Variants in DRAM2 observed in about 807,000 individuals in gnomAD.
The protein encoded by DRAM2 is DNA damage-regulated autophagy modulator protein 2.
A neutral mutation model predicts 33.5 loss-of-function variants in DRAM2; 26 were observed. The ratio of observed to expected loss-of-function variants is 0.78; its 90% CI spans 0.57 to 1.08. The LOEUF (loss-of-function observed/expected upper bound fraction) is 1.08. DRAM2 is among the 50% of genes least tolerant of loss of function. DRAM2 has a pLI of 0.00. For synonymous variants in DRAM2, 98 were observed against 109.5 expected (o/e 0.89, Z 0.66); for missense variants, 311 against 318.1 (o/e 0.98, Z 0.17).
intron 6 of DRAM2, among the ~76,000 whole-genome samples, chr1:111,121,896 T>TA (rs1650121737): frequency 6.6e-6 from 1 of 151,966 alleles, no homozygotes. Context: ...AACTAAAAAA[T>TA]AAAAATAATA....
At position 111,124,845 on chromosome 1, in the gene DRAM2, T is replaced by C. The variant is rs1202640098; in HGVS notation, c.236A>G (p.His79Arg). 10 of 1,613,156 alleles carry C rather than the reference T, an allele frequency of 6.2e-6. No homozygotes were observed. The highest frequency in any genetic ancestry group is 8.5e-6 in the Non-Finnish European group (10 of 1,179,626). The change falls in exon 6 of 10, where the codon CAT becomes CGT. Residue 79 changes from histidine to arginine, a missense_variant. By Grantham distance (29) the His-to-Arg change is conservative (BLOSUM62 0). Transcript: ENST00000484310. ...AACGTTCTCTTCAGGACTCAGAGCA[T>C]GAACTTGCTTATAACGAACATAAAT... Reference protein sequence around the residue: ...ATIYVRYKQVHALSPEENVII... With the variant: ...ATIYVRYKQVRALSPEENVII...
In DRAM2 at chr1:111,117,792, G is replaced by A. The variant is rs1649209891; in HGVS notation, c.*368C>T. 1 of 193,602 alleles carries A rather than the reference G, an allele frequency of 5.2e-6. No homozygotes were observed. Among genetic ancestry groups the A allele is most frequent in the Non-Finnish European group, 1.1e-5 (1 of 93,140 alleles). 12.0% of individuals were successfully genotyped at this position (193,602 alleles called of 1,614,324 possible). On this transcript the variant is annotated 3_prime_UTR_variant, in exon 10 of 10. Coordinates refer to ENST00000484310, the MANE Select transcript of DRAM2 (RefSeq NM_001349884.2). ...CATGGAAAATGTCTCTCATAAAAGT[G>A]CTCCTAACAAAACATGATCTACAAT... is the stretch of plus-strand genomic sequence containing the variant.
chr1:111,124,575 G>A (rs907749703), intron 6 of DRAM2, among the ~76,000 whole-genome samples, 167 bp downstream of exon 6: 2 of 152,072 alleles, frequency 1.3e-5, no homozygotes, highest in Non-Finnish European at 2.9e-5. Flanking sequence ...TTTTCTAGTT[G>A]TGCAAGTAGC....
intron 6 of DRAM2, chr1:111,122,491 G>A (rs1650241765): frequency 6.6e-6 from 1 of 152,180 alleles, no homozygotes; most frequent in Admixed American, 6.5e-5. Context: ...TCTCTTCCAA[G>A]CCAATACCTG....
intron 3 of DRAM2, among the ~76,000 whole-genome samples, chr1:111,134,200 CTTTTAATTT>C (rs1255002927): frequency 5.9e-5 from 9 of 152,014 alleles, no homozygotes; most frequent in African/African-American, 2.2e-4. Flanking sequence ...CAAATTCATG[CTTTTAATTT>C]TTTTAATTTT....
intron 7 of DRAM2, 145 bp from the exon 8 acceptor site, chr1:111,120,104 C>A: frequency 1.4e-6 from 1 of 692,926 alleles, no homozygotes; most frequent in Non-Finnish European, 2.4e-6. Flanking sequence ...AGCAGTGGTA[C>A]TGTAAAACTA....
intron 8 of DRAM2, 43 bp from the exon 9 acceptor site, chr1:111,118,940 T>A: frequency 7.3e-7 from 1 of 1,376,436 alleles, no homozygotes; most frequent in Non-Finnish European, 1.0e-6. Context: ...AAATTTCATT[T>A]AAACGATCTA....
rs753997842 is a variant in DRAM2 at position 111,117,376 on chromosome 1, C to T, written c.*784G>A. ...AATCATATCTGCTGTTATTCCCAAA[C>T]TTCTCAATGTTACATGAATACTAAC... On this transcript the variant is annotated 3_prime_UTR_variant, in exon 10 of 10. Coordinates refer to ENST00000484310, the MANE Select transcript of DRAM2 (RefSeq NM_001349884.2). The T allele has an allele frequency of 2.6e-5, 4 of 152,048 alleles. No individual in the cohort carries two copies. The highest frequency in any genetic ancestry group is 9.7e-5 in the African/African-American group (4 of 41,438). 9.4% of individuals were successfully genotyped at this position (152,048 alleles called of 1,614,324 possible). A position where few individuals can be genotyped will look rare whatever the true frequency, so the allele number is the denominator to read the frequency against.
intron 5 of DRAM2, 80 bp from the exon 6 acceptor site, chr1:111,124,961 C>T: frequency 8.6e-7 from 1 of 1,167,512 alleles, no homozygotes; most frequent in Middle Eastern, 2.5e-4. Flanking sequence ...TCACAAAGGT[C>T]ACTGCTATCC....
In DRAM2 at chr1:111,118,855, T is replaced by G; in HGVS notation, c.643A>C (p.Met215Leu). The change falls in exon 9 of 10, where the codon ATG becomes CTG. Residue 215 changes from methionine to leucine, a missense_variant. By Grantham distance (15) the Met-to-Leu change is conservative. Transcript: ENST00000484310. Reference sequence around the variant, plus strand: ...AAAAAACCAAAGAAGGAAAATGACATAGACCATTCTGCTGCAGTAGTGATC... The same window carrying G: ...AAAAAACCAAAGAAGGAAAATGACAGAGACCATTCTGCTGCAGTAGTGATC... ...HMITTAAEWS[M>L]SFSFFGFFLT... is the part of the protein sequence containing the mutation. 6.2e-7 allele frequency: 1 copy of G among 1,610,366 alleles called. No individual in the cohort carries two copies. Among genetic ancestry groups the G allele is most frequent in the Non-Finnish European group, 8.5e-7 (1 of 1,177,836 alleles).
At chr1:111,134,856 G>A (rs946196492) in intron 3 of DRAM2, among the ~76,000 whole-genome samples, 2 of 151,898 alleles carry the variant, frequency 1.3e-5, no homozygotes, top group Admixed American at 6.6e-5. Flanking sequence ...GAGAGGATCC[G>A]TATTTGTTTT....
chr1:111,128,499 T>G (rs1651465877), intron 4 of DRAM2, among the ~76,000 whole-genome samples: 1 of 152,168 alleles, frequency 6.6e-6, no homozygotes, highest in Admixed American at 6.5e-5. Flanking sequence ...TATATTACAG[T>G]AGTCCCTCGG....
rs1030052224 is a variant in DRAM2 at position 111,124,978 on chromosome 1, A to G, written c.200-97T>C. ...ACAAAGGTCACTGCTATCCAGAATC[A>G]CAGATTTTCCTTTTAAAATTAATCA... is the stretch of plus-strand genomic sequence containing the variant. On this transcript the variant is annotated intron_variant, in intron 5 of 9. Transcript: ENST00000484310. 6 of 1,006,402 alleles carry G rather than the reference A, an allele frequency of 6.0e-6. No homozygotes were observed. In the African/African-American group the frequency reaches 1.0e-4, roughly 17 times the overall value. 62.3% of individuals were successfully genotyped at this position (1,006,402 alleles called of 1,614,324 possible). A position where few individuals can be genotyped will look rare whatever the true frequency, so the allele number is the denominator to read the frequency against.
intron 7 of DRAM2, among the ~76,000 whole-genome samples, chr1:111,120,304 C>A (rs893234906): frequency 7.2e-6 from 1 of 137,976 alleles, no homozygotes; most frequent in Non-Finnish European, 1.5e-5. Context: ...AGCTCAATTA[C>A]TGAGGCACTA....
intron 2 of DRAM2, among the ~76,000 whole-genome samples, chr1:111,138,337 T>G (rs1653693074): frequency 6.6e-6 from 1 of 152,220 alleles, no homozygotes; most frequent in Non-Finnish European, 1.5e-5. Context: ...AGACTAATTG[T>G]CAATGTGTTT....
intron 8 of DRAM2, 146 bp downstream of exon 8, chr1:111,119,731 A>G (rs2101010599): frequency 1.5e-6 from 1 of 664,852 alleles, no homozygotes; most frequent in East Asian, 2.7e-5. Context: ...CATAAACCCT[A>G]CCATATCAAG....
Position 111,117,545 on chromosome 1 carries a change from T to G in DRAM2, c.*615A>C, listed in dbSNP as rs1163565076. 6.6e-6 allele frequency: 1 copy of G among 152,666 alleles called. No individual in the cohort carries two copies. Among genetic ancestry groups the G allele is most frequent in the South Asian group, 2.1e-4 (1 of 4,856 alleles). The allele number at this position is 152,666 out of a possible 1,614,324, so 9.5% of individuals were successfully genotyped here. ...ATGATAGACCAATTAGCTTAGTATCTGGCATTGTGGCCAGAAAAAAAAAAA... is the reference window on the plus strand; with the variant it reads ...ATGATAGACCAATTAGCTTAGTATCGGGCATTGTGGCCAGAAAAAAAAAAA... On this transcript the variant is annotated 3_prime_UTR_variant, in exon 10 of 10. Transcript: ENST00000484310.
chr1:111,139,871 G>A (rs1240414684), intron 1 of DRAM2, 167 bp downstream of exon 1: 2 of 152,234 alleles, frequency 1.3e-5, no homozygotes, highest in Non-Finnish European at 2.9e-5. Context: ...GTAGCCCCCG[G>A]AGGCAATGAG....
At chr1:111,124,216 T>C (rs1650568622) in intron 6 of DRAM2, among the ~76,000 whole-genome samples, 1 of 152,210 alleles carries the variant, frequency 6.6e-6, no homozygotes, top group Non-Finnish European at 1.5e-5. Context: ...GGTTGACCAC[T>C]ACTTTAACAT....
Sources: gnomAD v4.1 joint callset for allele counts (sites outside exome capture counted in the v4.1 genomes callset) on GRCh38, gnomAD v4.1.1 for gene constraint, MANE v1.5 for transcripts, NCBI Gene and HGNC (gene_info 2026-07-23, HGNC 2026-07-21) for gene names.